RTF1: variants seen among roughly 807,000 people sequenced by gnomAD.
The protein encoded by RTF1 is RNA polymerase-associated protein RTF1 homolog.
A neutral mutation model predicts 95.7 loss-of-function variants in RTF1; 10 were observed. That is an observed-to-expected ratio of 0.10 (90% CI 0.06 to 0.18). The LOEUF (loss-of-function observed/expected upper bound fraction) is 0.18. Ranked by LOEUF, RTF1 falls within the 10% of genes least tolerant of loss-of-function variation. The pLI is 1.00. For missense variants in RTF1, 458 were observed against 875.6 expected, an observed-to-expected ratio of 0.52 and a Z score of 6.02; for synonymous variants, 305 against 311.8, an observed-to-expected ratio of 0.98 and a Z score of 0.23.
intron 1 of RTF1, among the ~76,000 whole-genome samples, chr15:41,426,492 A>C (rs2050630355): frequency 1.3e-5 from 2 of 151,744 alleles, no homozygotes; most frequent in Non-Finnish European, 2.9e-5. Flanking sequence ...TTTTTAGTAG[A>C]GACAGGGTTT....
intron 1 of RTF1, among the ~76,000 whole-genome samples, chr15:41,424,429 T>C (rs1036447671): frequency 6.6e-6 from 1 of 152,138 alleles, no homozygotes; most frequent in East Asian, 1.9e-4. Flanking sequence ...CGAACCCTTA[T>C]GAAACTGAAA....
chr15:41,428,130 C>T (rs1159932575), intron 1 of RTF1, among the ~76,000 whole-genome samples: 1 of 151,354 alleles, frequency 6.6e-6, no homozygotes, highest in Non-Finnish European at 1.5e-5. Context: ...TGGGGTCTCA[C>T]TGTGTCACCC....
intron 1 of RTF1, among the ~76,000 whole-genome samples, chr15:41,423,175 A>G (rs568910672): frequency 6.6e-6 from 1 of 152,318 alleles, no homozygotes; most frequent in Admixed American, 6.5e-5. Context: ...ATCTTGAGAA[A>G]TTTAAAAGTT....
intron 2 of RTF1, among the ~76,000 whole-genome samples, chr15:41,441,300 A>G (rs562979687): frequency 6.6e-6 from 1 of 151,856 alleles, no homozygotes; most frequent in African/African-American, 2.4e-5. Context: ...AGCTACTTTT[A>G]TTTTTCATGT....
chr15:41,429,827 C>G (rs77592113), intron 1 of RTF1, among the ~76,000 whole-genome samples: 1,956 of 151,988 alleles, frequency 0.013, 43 homozygotes, highest in African/African-American at 0.046. Flanking sequence ...GCAGATAGCC[C>G]CTGCACTCAT....
intron 4 of RTF1, among the ~76,000 whole-genome samples, chr15:41,460,353 C>T (rs538940846): frequency 2.0e-5 from 3 of 152,016 alleles, no homozygotes; most frequent in Non-Finnish European, 4.4e-5. Flanking sequence ...AAACTCCTGA[C>T]CTCAAGTGAT....
chr15:41,478,687 AT>A, intron 15 of RTF1, 62 bp downstream of exon 15: 1 of 1,284,866 alleles, frequency 7.8e-7, no homozygotes, highest in Non-Finnish European at 1.1e-6. Context: ...AATGAATTCC[AT>A]TAGGAAATTA....
At chr15:41,423,996 G>T (rs961221555) in intron 1 of RTF1, among the ~76,000 whole-genome samples, 1 of 152,082 alleles carries the variant, frequency 6.6e-6, no homozygotes, top group Non-Finnish European at 1.5e-5. Flanking sequence ...CAAGTGATCC[G>T]CCCTCCTTGG....
At chr15:41,451,454 T>A (rs1042842159) in intron 2 of RTF1, among the ~76,000 whole-genome samples, 2 of 152,144 alleles carry the variant, frequency 1.3e-5, no homozygotes, top group Admixed American at 6.6e-5. Flanking sequence ...ATGAAGATGG[T>A]TTTTTGGCCT....
intron 1 of RTF1, among the ~76,000 whole-genome samples, chr15:41,423,916 C>T (rs1310379866): frequency 6.6e-6 from 1 of 151,892 alleles, no homozygotes; most frequent in African/African-American, 2.4e-5. Context: ...CCATGCCCGA[C>T]TAATTTTTGT....
chr15:41,432,509 A>T (rs1299019142), intron 1 of RTF1, among the ~76,000 whole-genome samples: 1 of 151,796 alleles, frequency 6.6e-6, no homozygotes, highest in East Asian at 1.9e-4. Context: ...GGTTTTCAGT[A>T]TGTAGAGCGG....
intron 1 of RTF1, among the ~76,000 whole-genome samples, chr15:41,421,095 G>A (rs1178533732): frequency 1.3e-5 from 2 of 152,154 alleles, no homozygotes; most frequent in Non-Finnish European, 2.9e-5. Flanking sequence ...GCCAAAGTGG[G>A]AGGAACACTT....
chr15:41,457,867 TGAAAA>T lies in RTF1; in HGVS notation c.657_661del (p.Arg220IlefsTer2). The T allele has an allele frequency of 6.2e-7, 1 of 1,613,460 alleles. No individual in the cohort carries two copies. The highest frequency in any genetic ancestry group is 8.5e-7 in the Non-Finnish European group (1 of 1,179,838). Reference sequence around the variant, plus strand: ...AATCGCATAGAGAAGAGGGAGGTGTTGAAAAGAAGGTAAGGTTGTCCTCGTCGTTG... The same window carrying T: ...AATCGCATAGAGAAGAGGGAGGTGTTGAAGGTAAGGTTGTCCTCGTCGTTG... On this transcript the variant is annotated frameshift_variant, in exon 4 of 18. Coordinates refer to ENST00000389629, the MANE Select transcript of RTF1 (RefSeq NM_015138.5). LOFTEE classifies it high-confidence loss of function.
chr15:41,435,906 C>T (rs2050699261), intron 1 of RTF1, among the ~76,000 whole-genome samples: 1 of 152,152 alleles, frequency 6.6e-6, no homozygotes, highest in Non-Finnish European at 1.5e-5. Flanking sequence ...TAAGCCATGA[C>T]TCAGTTAGGA....
intron 4 of RTF1, among the ~76,000 whole-genome samples, chr15:41,462,373 G>A (rs1227129651): frequency 2.6e-5 from 4 of 152,118 alleles, no homozygotes; most frequent in African/African-American, 9.7e-5. Flanking sequence ...TAGCCTGGTT[G>A]TAGAAAGGGC....
chr15:41,428,521 G>T (rs1029447398), intron 1 of RTF1, among the ~76,000 whole-genome samples: 1 of 150,994 alleles, frequency 6.6e-6, no homozygotes, highest in African/African-American at 2.4e-5. Flanking sequence ...GCCCACCTCA[G>T]CCTCCCAAAG....
In RTF1 at chr15:41,427,075, C is replaced by T. The variant is rs893900905; in HGVS notation, c.198+9762C>T. The stretch of plus-strand genomic sequence containing the variant: ...CAGGCTGGTCTTGAACTCCTGACCT[C>T]GTGATCCACCCACCTTGGCCTCCCA... On this transcript the variant is annotated intron_variant, in intron 1 of 17. Transcript: ENST00000389629. 6.0e-5 allele frequency among the ~76,000 whole-genome samples: 9 copies of T among 149,902 alleles called. 1 individual carries two copies.
At chr15:41,472,757 A>G (rs372676023) in intron 8 of RTF1, among the ~76,000 whole-genome samples, 73 of 148,676 alleles carry the variant, frequency 4.9e-4, no homozygotes, top group African/African-American at 1.8e-3. Context: ...GCTGGAGTTC[A>G]GTGGCACGAT....
At chr15:41,440,968 CTT>C (rs55996061) in intron 2 of RTF1, among the ~76,000 whole-genome samples, 7 of 115,422 alleles carry the variant, frequency 6.1e-5, no homozygotes, top group Admixed American at 9.5e-5. Context: ...CTAGTCCCCT[CTT>C]TTTTTTTTTT....
Sources: allele counts gnomAD v4.1 joint callset (sites outside exome capture counted in the v4.1 genomes callset), GRCh38; gene constraint gnomAD v4.1.1; transcripts MANE v1.5; gene names NCBI Gene and HGNC (gene_info 2026-07-23, HGNC 2026-07-21).